The following PWP1 variants were observed in gnomAD, a reference collection of about 807,000 sequenced individuals.
PWP1 encodes the protein PWP1 homolog, endonuclein.
In PWP1, 47 loss-of-function variants were observed where a neutral mutation model predicts 69.9. The ratio of observed to expected loss-of-function variants is 0.67; its 90% CI spans 0.53 to 0.86. The LOEUF is 0.86. Ranked by LOEUF, PWP1 falls within the 40% of genes least tolerant of loss-of-function variation. The pLI, the probability that PWP1 is intolerant of heterozygous loss-of-function variation, is 0.00. For synonymous variants in PWP1, 222 were observed against 208.2 expected (o/e 1.07, Z -0.57); for missense variants, 551 against 608.8 (o/e 0.91, Z 1.00).
chr12:107,709,092 TA>T lies in PWP1; in HGVS notation c.1169-16del, dbSNP rs1321040462. The T allele has an allele frequency of 3.7e-6, 6 of 1,613,788 alleles. No individual in the cohort carries two copies. Among genetic ancestry groups the T allele is most frequent in the Non-Finnish European group, 5.1e-6 (6 of 1,179,868 alleles). The stretch of plus-strand genomic sequence containing the variant: ...ATCTGTATTTCAAAGCGAAAGTGTC[TA>T]AACTTATCTTCCTTTAGGTCTTGAT... On this transcript the variant is annotated intron_variant, in intron 12 of 14. Coordinates refer to ENST00000412830, the MANE Select transcript of PWP1 (RefSeq NM_007062.3).
At chr12:107,686,051 C>A in intron 1 of PWP1, 80 bp downstream of exon 1, 1 of 1,512,340 alleles carries the variant, frequency 6.6e-7, no homozygotes, top group Non-Finnish European at 9.1e-7. Context: ...GAACGTGGAC[C>A]CGGAACTCGG....
At chr12:107,706,420 T>G (rs1241325691) in intron 11 of PWP1, among the ~76,000 whole-genome samples, 2 of 152,248 alleles carry the variant, frequency 1.3e-5, no homozygotes, top group Admixed American at 6.5e-5. Flanking sequence ...TTATCAATTT[T>G]GACTTTTGTT....
rs1889354603 is a variant in PWP1, at chr12:107,685,985, G to T, written c.72+14G>T. 1 of 1,613,228 alleles carries T rather than the reference G, an allele frequency of 6.2e-7. No individual in the cohort carries two copies. Among genetic ancestry groups the T allele is most frequent in the Non-Finnish European group, 8.5e-7 (1 of 1,179,396 alleles). Reference sequence around the variant, plus strand: ...ACACCAGACAAGGTGAGGCCTGGTCGCTGGGAGACAAGGGGAGCAGCGTCT... The same window carrying T: ...ACACCAGACAAGGTGAGGCCTGGTCTCTGGGAGACAAGGGGAGCAGCGTCT... On this transcript the variant is annotated intron_variant, in intron 1 of 14. Transcript: ENST00000412830.
chr12:107,695,313 A>G (rs954234986), intron 5 of PWP1, among the ~76,000 whole-genome samples: 2 of 152,138 alleles, frequency 1.3e-5, no homozygotes, highest in Non-Finnish European at 2.9e-5. Flanking sequence ...TAAGCTGAGT[A>G]TATCGAACAT....
At position 107,710,471 on chromosome 12, in the gene PWP1, G is replaced by C; in HGVS notation, c.1357G>C (p.Glu453Gln). The C allele has an allele frequency of 6.3e-7, 1 of 1,580,224 alleles. No homozygotes were observed. Among genetic ancestry groups the C allele is most frequent in the Non-Finnish European group, 8.6e-7 (1 of 1,158,840 alleles). The change falls in exon 14 of 15, where the codon GAA becomes CAA. Residue 453 changes from glutamate to glutamine, a missense_variant. Coordinates refer to ENST00000412830, the MANE Select transcript of PWP1 (RefSeq NM_007062.3). ...PFIYAFGGQK[E>Q]GLRVWDISTV... ...TATTTATGCCTTTGGAGGTCAAAAA[G>C]AAGGGCTTCGGGTCTGGGATATAAG...
chr12:107,710,552 TAAAAAAAAAA>T, intron 14 of PWP1, 42 bp downstream of exon 14: 3 of 1,157,190 alleles, frequency 2.6e-6, no homozygotes, highest in East Asian at 3.5e-5. Flanking sequence ...CCTGCCCCTG[TAAAAAAAAAA>T]AAAAAAAAAA....
At chr12:107,707,159 G>A (rs1005690204) in intron 11 of PWP1, among the ~76,000 whole-genome samples, 23 of 152,176 alleles carry the variant, frequency 1.5e-4, no homozygotes, top group African/African-American at 4.8e-4. Context: ...TCTCTTTGAA[G>A]CAATTGTGAA....
At chr12:107,709,575 A>G (rs1256630262) in intron 13 of PWP1, among the ~76,000 whole-genome samples, 1 of 149,762 alleles carries the variant, frequency 6.7e-6, no homozygotes, top group African/African-American at 2.5e-5. Context: ...ACCTCAGGGC[A>G]CCGTAGCTAT....
At chr12:107,707,999 A>G (rs1236116999) in intron 11 of PWP1, among the ~76,000 whole-genome samples, 1 of 152,150 alleles carries the variant, frequency 6.6e-6, no homozygotes, top group East Asian at 1.9e-4. Context: ...TGAAGTAATG[A>G]TTCTGAGATA....
At chr12:107,688,850 T>G (rs1248953066) in intron 3 of PWP1, 48 bp downstream of exon 3, 1 of 1,546,386 alleles carries the variant, frequency 6.5e-7, no homozygotes, top group South Asian at 1.2e-5. Context: ...CTCAATATGT[T>G]GGATCATGTT....
At chr12:107,691,088 G>A (rs996450828) in intron 3 of PWP1, among the ~76,000 whole-genome samples, 1 of 152,356 alleles carries the variant, frequency 6.6e-6, no homozygotes, top group Middle Eastern at 3.4e-3. Flanking sequence ...GGCAGGGCAT[G>A]TTTGAGCACA....
At chr12:107,686,916 AG>A (rs1889377682) in intron 1 of PWP1, among the ~76,000 whole-genome samples, 1 of 140,382 alleles carries the variant, frequency 7.1e-6, no homozygotes, top group African/African-American at 2.6e-5. Flanking sequence ...CAGTGAGCCG[AG>A]ATCGCACAGC....
chr12:107,710,177 G>A lies in PWP1; in HGVS notation c.1291-228G>A, dbSNP rs373380067. Reference sequence around the variant, plus strand: ...GTGGCCTGAGTGGTCAGAAGTTGCAGATATCATTGTGGAAGAACCAGCATG... The same window carrying A: ...GTGGCCTGAGTGGTCAGAAGTTGCAAATATCATTGTGGAAGAACCAGCATG... On this transcript the variant is annotated intron_variant, in intron 13 of 14. Coordinates refer to ENST00000412830, the MANE Select transcript of PWP1 (RefSeq NM_007062.3). 6.3e-4 allele frequency among the ~76,000 whole-genome samples: 96 copies of A among 152,302 alleles called. 1 individual carries two copies. The highest frequency in any genetic ancestry group is 2.2e-3 in the African/African-American group (92 of 41,582).
chr12:107,706,529 T>C (rs2136285676), intron 11 of PWP1, among the ~76,000 whole-genome samples: 1 of 152,332 alleles, frequency 6.6e-6, no homozygotes, highest in Non-Finnish European at 1.5e-5. Context: ...TGGTTTTAGG[T>C]CTAACATTTA....
chr12:107,685,953 CAAAG>C lies in PWP1; in HGVS notation c.56_59del (p.Lys19ArgfsTer6), dbSNP rs1566074920. On this transcript the variant is annotated frameshift_variant, in exon 1 of 15. Coordinates refer to ENST00000412830, the MANE Select transcript of PWP1 (RefSeq NM_007062.3). LOFTEE classifies it high-confidence loss of function. ...TGGCCTGGGTCCGCTGCGGCGTGGC[CAAAG>C]AGACACCAGACAAGGTGAGGCCTGG... is the stretch of plus-strand genomic sequence containing the variant. 6.2e-7 allele frequency: 1 copy of C among 1,613,900 alleles called. No individual in the cohort carries two copies. The highest frequency in any genetic ancestry group is 8.5e-7 in the Non-Finnish European group (1 of 1,179,960).
At chr12:107,708,900 C>T in intron 11 of PWP1, 26 bp from the exon 12 acceptor site, 3 of 1,598,354 alleles carry the variant, frequency 1.9e-6, no homozygotes, top group Non-Finnish European at 2.6e-6. Flanking sequence ...CGTAGCATGA[C>T]CTTGCCCATC....
chr12:107,704,638 CA>C lies in PWP1; in HGVS notation c.969del (p.Val324TrpfsTer22), dbSNP rs1889776247. On this transcript the variant is annotated frameshift_variant, in exon 11 of 15. Coordinates refer to ENST00000412830, the MANE Select transcript of PWP1 (RefSeq NM_007062.3). LOFTEE classifies it high-confidence loss of function. ...TAACTTTGCCTGAATGTGTCTAGGT[CA>C]GTGGCTTTGTATGACTGCCGAAGTC... ...QTLISGSYDK[S>X]VALYDCRSPD... 6.2e-7 allele frequency: 1 copy of C among 1,613,360 alleles called. No individual in the cohort carries two copies. The highest frequency in any genetic ancestry group is 1.1e-5 in the South Asian group (1 of 91,060).
chr12:107,687,423 C>T (rs1485410765), intron 1 of PWP1, among the ~76,000 whole-genome samples: 1 of 152,162 alleles, frequency 6.6e-6, no homozygotes, highest in Non-Finnish European at 1.5e-5. Flanking sequence ...TCAAAAAATA[C>T]TGATGTTTAT....
chr12:107,711,988 AGTTG>A, intron 14 of PWP1, 119 bp from the exon 15 acceptor site: 1 of 681,424 alleles, frequency 1.5e-6, no homozygotes, highest in Non-Finnish European at 2.5e-6. Context: ...TGGACTTCTG[AGTTG>A]GTTACTCACT....
Sources: gnomAD v4.1 joint callset for allele counts (sites outside exome capture counted in the v4.1 genomes callset) on GRCh38, gnomAD v4.1.1 for gene constraint, MANE v1.5 for transcripts, NCBI Gene and HGNC (gene_info 2026-07-23, HGNC 2026-07-21) for gene names.